Variants in EFNB1 observed in about 807,000 individuals in gnomAD.
EFNB1 encodes ephrin B1, also known as ephrin-B1.
EFNB1 carries 1 observed loss-of-function variant against 18.1 expected under a neutral mutation model. The ratio of observed to expected loss-of-function variants is 0.06; its 90% confidence interval spans 0.02 to 0.26. The LOEUF is 0.26. Ranked by LOEUF, EFNB1 falls within the 10% of genes least tolerant of loss-of-function variation. The pLI, the probability that EFNB1 is intolerant of heterozygous loss-of-function variation, is 1.00. For missense variants in EFNB1, 221 were observed against 301.8 expected, an observed-to-expected ratio of 0.73 and a Z score of 1.98; for synonymous variants, 131 against 127.5, an observed-to-expected ratio of 1.03 and a Z score of -0.19.
intron 1 of EFNB1, 80 bp from the exon 2 acceptor site, chrX:68,838,537 T>C: frequency 8.7e-7 from 1 of 1,155,533 alleles, no homozygotes; most frequent in Admixed American, 2.2e-5. Flanking sequence ...CCAGCCCGGC[T>C]CTTGTCCGCT....
rs948332218 is a variant in EFNB1, at chrX:68,829,980, T to G, written c.128+76T>G. 1.1e-5 allele frequency: 12 copies of G among 1,122,989 alleles called. No homozygotes were observed. The African/African-American group carries it at 1.8e-4, about 17-fold the overall frequency. The allele number at this position is 1,122,989 out of a possible 1,213,427, so 92.5% of individuals were successfully genotyped here. On this transcript the variant is annotated intron_variant, in intron 1 of 4. Coordinates refer to ENST00000204961, the MANE Select transcript of EFNB1 (RefSeq NM_004429.5). ...GTGAGGCCGCACGCCCCGGAGTGCA[T>G]GTGGGGAGGTCTTCGGAGGAGGAGC...
chrX:68,831,045 T>G (rs1309263675), intron 1 of EFNB1, among the ~76,000 whole-genome samples: 1 of 111,179 alleles, frequency 9.0e-6, no homozygotes, highest in Non-Finnish European at 1.9e-5. Context: ...TTCCTCTCAA[T>G]TTTCTGGAGG....
Position 68,840,725 on chromosome X carries a change from C to T in EFNB1, c.*71C>T. The T allele has an allele frequency of 9.3e-7, 1 of 1,076,744 alleles. No homozygotes were observed. 88.7% of individuals were successfully genotyped at this position (1,076,744 alleles called of 1,213,427 possible). ...CGGACCTCTCCTTTCGCCCCCACACCCCCTCCCCTTGCCAGCTGTGCCCAC... is the reference window on the plus strand; with the variant it reads ...CGGACCTCTCCTTTCGCCCCCACACTCCCTCCCCTTGCCAGCTGTGCCCAC... On this transcript the variant is annotated 3_prime_UTR_variant, in exon 5 of 5. Transcript: ENST00000204961.
chrX:68,840,150 C>G (rs1050128606), intron 4 of EFNB1, 62 bp downstream of exon 4: 2 of 1,208,545 alleles, frequency 1.7e-6, no homozygotes, highest in Admixed American at 2.2e-5. Flanking sequence ...TAGGCCCTGT[C>G]CCTGAAGAAA....
chrX:68,838,948 T>C lies in EFNB1; in HGVS notation c.406+54T>C, dbSNP rs1291151034. On this transcript the variant is annotated intron_variant, in intron 2 of 4. Transcript: ENST00000204961. Reference sequence around the variant, plus strand: ...TCTCTCCCTGGGCTTAACTCTTTCCTCTCCTGTAGTAGTGGGAGCTTCTAA... The same window carrying C: ...TCTCTCCCTGGGCTTAACTCTTTCCCCTCCTGTAGTAGTGGGAGCTTCTAA... 3 of 1,158,035 alleles carry C rather than the reference T, an allele frequency of 2.6e-6. No individual in the cohort carries two copies. In the African/African-American group the frequency reaches 5.4e-5, roughly 21 times the overall value.
chrX:68,831,314 G>T (rs1050532363), intron 1 of EFNB1, among the ~76,000 whole-genome samples: 2 of 111,337 alleles, frequency 1.8e-5, no homozygotes, highest in Non-Finnish European at 3.8e-5. Flanking sequence ...CCTCGATTAA[G>T]GTAGAGTCCT....
chrX:68,832,638 C>T (rs2080449109), intron 1 of EFNB1, among the ~76,000 whole-genome samples: 1 of 111,833 alleles, frequency 8.9e-6, no homozygotes, highest in Non-Finnish European at 1.9e-5. Context: ...ATGGCTGGCC[C>T]AAGACTCCCA....
At chrX:68,834,829 G>C (rs1287555845) in intron 1 of EFNB1, among the ~76,000 whole-genome samples, 1 of 112,543 alleles carries the variant, frequency 8.9e-6, no homozygotes, top group Admixed American at 9.3e-5. Flanking sequence ...CTGAGAGCAG[G>C]GTGACAGGGA....
rs766918704 is a variant in EFNB1, at chrX:68,840,068, G to T, written c.608G>T (p.Gly203Val). Residue 203 changes from glycine to valine, a missense_variant, in exon 4 of 5, where the codon GGT (glycine) becomes GTT (valine). Gly to Val is a moderately radical substitution (Grantham distance 109). Transcript: ENST00000204961. ...TQAPGSRGSL[G>V]DSDGKHETVN... ...GCCCCTGGTAGTCGGGGCTCCCTGG[G>T]TGACTCTGATGGCAAGCATGGTAAG... 1 of 1,210,646 alleles carries T rather than the reference G, an allele frequency of 8.3e-7. No homozygotes were observed. The highest frequency in any genetic ancestry group is 3.0e-5 in the East Asian group (1 of 33,760).
chrX:68,835,265 G>A (rs2080457705), intron 1 of EFNB1, among the ~76,000 whole-genome samples: 1 of 111,104 alleles, frequency 9.0e-6, no homozygotes, highest in South Asian at 3.8e-4. Flanking sequence ...CCTGCTTCAG[G>A]CTTCCTGCTG....
At position 68,840,878 on chromosome X, in the gene EFNB1, T is replaced by A. The variant is rs2147977312; in HGVS notation, c.*224T>A. ...TGTGCCTTCCCCCTCTGGCCAGGCCTCTGGGCTCCGTGGGGGCGCCCCTTC... is the reference window on the plus strand; with the variant it reads ...TGTGCCTTCCCCCTCTGGCCAGGCCACTGGGCTCCGTGGGGGCGCCCCTTC... On this transcript the variant is annotated 3_prime_UTR_variant, in exon 5 of 5. Coordinates refer to ENST00000204961, the MANE Select transcript of EFNB1 (RefSeq NM_004429.5). The A allele has an allele frequency of 2.3e-6, 1 of 435,596 alleles. No homozygotes were observed. The highest frequency in any genetic ancestry group is 4.0e-5 in the Admixed American group (1 of 24,798). The allele number at this position is 435,596 out of a possible 1,213,427, so 35.9% of individuals were successfully genotyped here.
chrX:68,832,224 G>A (rs1273206596), intron 1 of EFNB1, among the ~76,000 whole-genome samples: 1 of 110,489 alleles, frequency 9.1e-6, no homozygotes, highest in South Asian at 3.9e-4. Context: ...GTGTCAGTTC[G>A]CCCTCTCATA....
At chrX:68,838,438 T>C (rs1009960739) in intron 1 of EFNB1, among the ~76,000 whole-genome samples, 179 bp from the exon 2 acceptor site, 1 of 111,365 alleles carries the variant, frequency 9.0e-6, no homozygotes, top group Non-Finnish European at 1.9e-5. Flanking sequence ...TTCCACACTC[T>C]CCTGGTAGTG....
At chrX:68,832,763 G>A (rs1409333653) in intron 1 of EFNB1, among the ~76,000 whole-genome samples, 1 of 110,456 alleles carries the variant, frequency 9.1e-6, no homozygotes, top group African/African-American at 3.3e-5. Flanking sequence ...CAAGGTGGGG[G>A]GATGGGTTTG....
At chrX:68,833,509 T>G (rs2080452573) in intron 1 of EFNB1, among the ~76,000 whole-genome samples, 1 of 111,894 alleles carries the variant, frequency 8.9e-6, no homozygotes, top group African/African-American at 3.3e-5. Flanking sequence ...GATACTATGG[T>G]GCATCACTGT....
At position 68,840,744 on chromosome X, in the gene EFNB1, T is replaced by G; in HGVS notation, c.*90T>G. The G allele has an allele frequency of 5.8e-5, 52 of 903,421 alleles. No homozygotes were observed. Among genetic ancestry groups the G allele is most frequent in the Non-Finnish European group, 6.9e-5 (44 of 640,200 alleles). The allele number at this position is 903,421 out of a possible 1,213,427, so 74.5% of individuals were successfully genotyped here. A position where few individuals can be genotyped will look rare whatever the true frequency, so the allele number is the denominator to read the frequency against. Reference sequence around the variant, plus strand: ...CCACACCCCCTCCCCTTGCCAGCTGTGCCCACCTTTGTATTTAGTTTTGTA... The same window carrying G: ...CCACACCCCCTCCCCTTGCCAGCTGGGCCCACCTTTGTATTTAGTTTTGTA... On this transcript the variant is annotated 3_prime_UTR_variant, in exon 5 of 5. Coordinates refer to ENST00000204961, the MANE Select transcript of EFNB1 (RefSeq NM_004429.5).
intron 1 of EFNB1, among the ~76,000 whole-genome samples, chrX:68,838,383 C>A (rs887336653): frequency 3.6e-5 from 4 of 111,900 alleles, no homozygotes; most frequent in Admixed American, 9.4e-5. Context: ...GTGCTCCACC[C>A]TGCCGAGCAG....
At chrX:68,836,915 A>T (rs908180730) in intron 1 of EFNB1, among the ~76,000 whole-genome samples, 8 of 111,609 alleles carry the variant, frequency 7.2e-5, no homozygotes, top group African/African-American at 2.6e-4. Flanking sequence ...GCCAAGCTGG[A>T]CCAATCACTG....
chrX:68,841,386 A>ACACACACACAC lies in EFNB1; in HGVS notation c.*732_*733insCACACACACAC, dbSNP rs58007755. 4.8e-4 allele frequency: 52 copies of ACACACACACAC among 107,787 alleles called. No homozygotes were observed. Among genetic ancestry groups the ACACACACACAC allele is most frequent in the African/African-American group, 1.7e-3 (50 of 29,295 alleles). The allele number at this position is 107,787 out of a possible 1,213,427, so 8.9% of individuals were successfully genotyped here. On this transcript the variant is annotated 3_prime_UTR_variant, in exon 5 of 5. Transcript: ENST00000204961. Reference sequence around the variant, plus strand: ...ACACACACACACACACACACACACAAAAAAAAATCCCTTCCTTGTGGGATT... The same window carrying ACACACACACAC: ...ACACACACACACACACACACACACAACACACACACACAAAAAAATCCCTTCCTTGTGGGATT...
Sources: gnomAD v4.1 joint callset for allele counts (sites outside exome capture counted in the v4.1 genomes callset) on GRCh38, gnomAD v4.1.1 for gene constraint, MANE v1.5 for transcripts, NCBI Gene and HGNC (gene_info 2026-07-23, HGNC 2026-07-21) for gene names.